The following B3GALT1 variants were observed in gnomAD, a reference collection of about 807,000 sequenced individuals.
B3GALT1 encodes the protein UDP-Gal:betaGlcNAc beta 1,3-galactosyltransferase, polypeptide 1.
B3GALT1 carries 10 observed loss-of-function variants against 23.2 expected under a neutral mutation model. The ratio of observed to expected loss-of-function variants is 0.43; its 90% CI spans 0.27 to 0.73. The LOEUF (loss-of-function observed/expected upper bound fraction) is 0.73, where lower values mean the gene tolerates loss of function less well. B3GALT1 is among the 30% of genes least tolerant of loss of function. The pLI is 0.21. For missense variants in B3GALT1, 299 were observed against 405.4 expected (o/e 0.74, Z 2.25); for synonymous variants, 156 against 141.5 (o/e 1.10, Z -0.73).
At chr2:167,467,034 A>G (rs1699358443) in intron 1 of B3GALT1, among the ~76,000 whole-genome samples, 1 of 151,836 alleles carries the variant, frequency 6.6e-6, no homozygotes, top group Non-Finnish European at 1.5e-5. Flanking sequence ...GGCCTATCAC[A>G]TTCATTTATA....
intron 1 of B3GALT1, among the ~76,000 whole-genome samples, chr2:167,452,044 C>A (rs1306948501): frequency 6.6e-6 from 1 of 152,132 alleles, no homozygotes; most frequent in Admixed American, 6.5e-5. Context: ...CCCAACAGCA[C>A]CGGGTTTATT....
chr2:167,356,484 A>G lies in B3GALT1; in HGVS notation c.-511+63150A>G, dbSNP rs566733248. Among the ~76,000 whole-genome samples the G allele has an allele frequency of 7.9e-5, 12 of 152,216 alleles. No homozygotes were observed. In the South Asian group the frequency reaches 1.2e-3, roughly 16 times the overall value. ...TTGCTAAATTCCCTCACTTGCTTCT[A>G]TTATTCTAATTTTGAATTTCTGTGT... On this transcript the variant is annotated intron_variant, in intron 1 of 4. Transcript: ENST00000392690.
chr2:167,353,881 A>G (rs1337092142), intron 1 of B3GALT1, among the ~76,000 whole-genome samples: 4 of 152,156 alleles, frequency 2.6e-5, no homozygotes, highest in Non-Finnish European at 5.9e-5. Flanking sequence ...GTGAAATACA[A>G]ATCCTCCTTT....
chr2:167,512,723 A>G (rs562888465), intron 2 of B3GALT1, among the ~76,000 whole-genome samples: 2 of 146,916 alleles, frequency 1.4e-5, no homozygotes, highest in South Asian at 4.3e-4. Context: ...TGCAACCTAC[A>G]GCTCATGGGC....
intron 3 of B3GALT1, among the ~76,000 whole-genome samples, chr2:167,803,095 C>T (rs1574269956): frequency 8.4e-6 from 1 of 119,120 alleles, no homozygotes; most frequent in South Asian, 2.9e-4. Flanking sequence ...CACACACACA[C>T]ACACACACAC....
chr2:167,679,109 T>C (rs1248777037), intron 3 of B3GALT1, among the ~76,000 whole-genome samples: 1 of 138,532 alleles, frequency 7.2e-6, no homozygotes, highest in East Asian at 2.0e-4. Context: ...TTTGTTTTTG[T>C]TTTTTTGTTT....
chr2:167,386,766 C>G (rs1407166497), intron 1 of B3GALT1, among the ~76,000 whole-genome samples: 2 of 152,282 alleles, frequency 1.3e-5, no homozygotes, highest in South Asian at 2.1e-4. Flanking sequence ...TGTAAAGTAT[C>G]CTTCCGCTTC....
chr2:167,443,345 C>T (rs1485167929), intron 1 of B3GALT1, among the ~76,000 whole-genome samples: 5 of 152,178 alleles, frequency 3.3e-5, no homozygotes, highest in Admixed American at 6.5e-5. Context: ...TTAGGATTGA[C>T]TTGGCAATGC....
chr2:167,818,790 A>ACAGGTAGGCGAGAAAC lies in B3GALT1; in HGVS notation c.-230+14_-230+29dup. ...AGGAAAACACAGCACGCTGGAGCCAACAGGTAGGCGAGAAACCAGGTAGGC... is the reference window on the plus strand; with the variant it reads ...AGGAAAACACAGCACGCTGGAGCCAACAGGTAGGCGAGAAACCAGGTAGGCGAGAAACCAGGTAGGC... On this transcript the variant is annotated 5_prime_UTR_variant, in exon 4 of 5. Transcript: ENST00000392690. Among the ~76,000 whole-genome samples the ACAGGTAGGCGAGAAAC allele has an allele frequency of 3.3e-4, 51 of 152,280 alleles. No individual in the cohort carries two copies. Among genetic ancestry groups the ACAGGTAGGCGAGAAAC allele is most frequent in the Non-Finnish European group, 5.7e-4 (39 of 68,014 alleles).
chr2:167,491,646 T>C (rs112268446), intron 2 of B3GALT1, among the ~76,000 whole-genome samples: 7,067 of 151,650 alleles, frequency 0.047, 535 homozygotes, highest in African/African-American at 0.16. Context: ...AACCCTGTCT[T>C]TACTAAAAAT....
rs558289161 is a variant in B3GALT1 at position 167,623,765 on chromosome 2, G to C, written c.-409-23144G>C. On this transcript the variant is annotated intron_variant, in intron 2 of 4. Transcript: ENST00000392690. ...TTAAAGTATAATAATTAACAAAAAA[G>C]AAAACACATAGTCATTTCTGATTAA... 2.0e-5 allele frequency among the ~76,000 whole-genome samples: 3 copies of C among 152,076 alleles called. No individual in the cohort carries two copies. In the South Asian group the frequency reaches 6.2e-4, roughly 32 times the overall value.
chr2:167,746,507 A>T (rs1438858690), intron 3 of B3GALT1, among the ~76,000 whole-genome samples: 1 of 152,192 alleles, frequency 6.6e-6, no homozygotes, highest in Non-Finnish European at 1.5e-5. Context: ...GTTGTTTTCT[A>T]AAAAAGTCAT....
chr2:167,846,277 G>A (rs191722340), intron 4 of B3GALT1, among the ~76,000 whole-genome samples: 7 of 152,208 alleles, frequency 4.6e-5, no homozygotes, highest in Non-Finnish European at 2.9e-5. Context: ...CAGAAAGATC[G>A]TCACCTAGGC....
rs560067005 is a variant in B3GALT1 at position 167,647,285 on chromosome 2, A to G, written c.-352+319A>G. Among the ~76,000 whole-genome samples the G allele has an allele frequency of 1.6e-4, 25 of 152,242 alleles. No homozygotes were observed. The South Asian group carries it at 5.0e-3, about 30-fold the overall frequency. ...CTATTTACTTTTGAGTTTATACTTG[A>G]CTTGGCTTATATTTCTTACAGCACC... On this transcript the variant is annotated intron_variant, in intron 3 of 4. Transcript: ENST00000392690.
intron 4 of B3GALT1, among the ~76,000 whole-genome samples, chr2:167,864,432 C>A (rs1032929012): frequency 1.3e-5 from 2 of 152,106 alleles, no homozygotes; most frequent in Admixed American, 6.5e-5. Context: ...GGCATGGTGG[C>A]ATGTGCCTGT....
chr2:167,841,728 G>T (rs1327179919), intron 4 of B3GALT1, among the ~76,000 whole-genome samples: 3 of 151,972 alleles, frequency 2.0e-5, no homozygotes, highest in Non-Finnish European at 4.4e-5. Flanking sequence ...TCCTAATTAG[G>T]AAAGTAAAAT....
chr2:167,562,057 A>G (rs971321979), intron 2 of B3GALT1, among the ~76,000 whole-genome samples: 2 of 152,248 alleles, frequency 1.3e-5, no homozygotes, highest in African/African-American at 4.8e-5. Context: ...AAAATCCTCA[A>G]TAAAATACTG....
intron 2 of B3GALT1, among the ~76,000 whole-genome samples, chr2:167,523,999 A>G (rs913820089): frequency 2.0e-5 from 3 of 152,106 alleles, no homozygotes; most frequent in Non-Finnish European, 4.4e-5. Context: ...ATTCTTTTAT[A>G]TATGTAGAAT....
chr2:167,714,824 A>T, intron 3 of B3GALT1: 10 of 1,611,416 alleles, frequency 6.2e-6, no homozygotes, highest in Non-Finnish European at 8.5e-6. Context: ...CACTTTAGAA[A>T]GCTTCTCTTA....
Sources: allele counts gnomAD v4.1 joint callset (sites outside exome capture counted in the v4.1 genomes callset), GRCh38; gene constraint gnomAD v4.1.1; transcripts MANE v1.5; gene names NCBI Gene and HGNC (gene_info 2026-07-23, HGNC 2026-07-21).